Variants in PLCXD3 observed in about 807,000 individuals in gnomAD.
The protein encoded by PLCXD3 is PI-PLC X domain-containing protein 3.
Under a neutral mutation model 25.5 loss-of-function variants are expected in PLCXD3, and 19 were observed. The observed-to-expected ratio is 0.75, with a 90% CI of 0.52 to 1.09. The LOEUF (loss-of-function observed/expected upper bound fraction) is 1.09. PLCXD3 is among the 50% of genes least tolerant of loss of function. The pLI, the probability that PLCXD3 is intolerant of heterozygous loss-of-function variation, is 0.00. For missense variants in PLCXD3, 411 were observed against 388.1 expected, an observed-to-expected ratio of 1.06 and a Z score of -0.50; for synonymous variants, 174 against 137.6, an observed-to-expected ratio of 1.26 and a Z score of -1.85.
chr5:41,488,234 C>T (rs1451669790), intron 1 of PLCXD3, among the ~76,000 whole-genome samples: 3 of 148,352 alleles, frequency 2.0e-5, no homozygotes, highest in Non-Finnish European at 4.5e-5. Flanking sequence ...CAATTTCATC[C>T]ATGTCCCTAC....
rs1748752999 is a variant in PLCXD3, at chr5:41,493,403, G to A, written c.103+17021C>T. On this transcript the variant is annotated intron_variant, in intron 1 of 2. Coordinates refer to ENST00000377801, the MANE Select transcript of PLCXD3 (RefSeq NM_001005473.3). ...AGGGGTCAGGGACCCACTTGAGGAG[G>A]CAGTCTGCCCGTTCTCAGATCTCCA... is the stretch of plus-strand genomic sequence containing the variant. 2.0e-5 allele frequency among the ~76,000 whole-genome samples: 3 copies of A among 152,224 alleles called. No homozygotes were observed. In the South Asian group the frequency reaches 6.2e-4, roughly 31 times the overall value.
At chr5:41,506,748 T>C (rs561722101) in intron 1 of PLCXD3, among the ~76,000 whole-genome samples, 52 of 152,346 alleles carry the variant, frequency 3.4e-4, no homozygotes, top group African/African-American at 1.2e-3. Flanking sequence ...AGTGAACCTG[T>C]TGTTTTTCAT....
intron 1 of PLCXD3, among the ~76,000 whole-genome samples, chr5:41,443,181 C>T (rs902550965): frequency 1.3e-5 from 2 of 151,440 alleles, no homozygotes; most frequent in African/African-American, 4.8e-5. Flanking sequence ...ACAGACTGCA[C>T]ATACCACAAT....
intron 1 of PLCXD3, among the ~76,000 whole-genome samples, chr5:41,384,819 A>T (rs1745586065): frequency 6.6e-6 from 1 of 152,074 alleles, no homozygotes; most frequent in African/African-American, 2.4e-5. Context: ...AAATAAGGGA[A>T]TGTTAAAAAT....
At chr5:41,431,599 T>G (rs1251461580) in intron 1 of PLCXD3, among the ~76,000 whole-genome samples, 3 of 152,212 alleles carry the variant, frequency 2.0e-5, no homozygotes, top group Non-Finnish European at 4.4e-5. Context: ...TTTGCTTATG[T>G]ATATATATCA....
At chr5:41,333,718 A>G (rs747248268) in intron 2 of PLCXD3, among the ~76,000 whole-genome samples, 1 of 152,150 alleles carries the variant, frequency 6.6e-6, no homozygotes, top group Non-Finnish European at 1.5e-5. Context: ...GCAAGTCTTG[A>G]GCTTTTAGGT....
At chr5:41,369,625 T>TCCCCACCTGTAAAAAATTACA (rs1480038886) in intron 2 of PLCXD3, among the ~76,000 whole-genome samples, 1 of 151,998 alleles carries the variant, frequency 6.6e-6, no homozygotes, top group Non-Finnish European at 1.5e-5. Flanking sequence ...GGATTACAGG[T>TCCCCACCTGTAAAAAATTACA]GGCCACCACC....
chr5:41,390,718 C>A (rs755652399), intron 1 of PLCXD3, among the ~76,000 whole-genome samples: 4 of 151,784 alleles, frequency 2.6e-5, no homozygotes, highest in Non-Finnish European at 5.9e-5. Flanking sequence ...ACTATCTACA[C>A]AGAAAAAAAA....
chr5:41,332,566 C>A (rs1015367365), intron 2 of PLCXD3, among the ~76,000 whole-genome samples: 3 of 152,092 alleles, frequency 2.0e-5, no homozygotes, highest in African/African-American at 7.2e-5. Flanking sequence ...ACTAGAAATA[C>A]CATTTGACCC....
rs114516023 is a variant in PLCXD3, at chr5:41,463,351, C to T, written c.103+47073G>A. Among the ~76,000 whole-genome samples the T allele has an allele frequency of 1.9e-3, 290 of 152,028 alleles. 1 individual carries two copies. Among genetic ancestry groups the T allele is most frequent in the Middle Eastern group, 0.017 (5 of 294 alleles). On this transcript the variant is annotated intron_variant, in intron 1 of 2. Transcript: ENST00000377801. The stretch of plus-strand genomic sequence containing the variant: ...ACATGACCATCTTGTTGTATCCTTA[C>T]GTGGCTGAAAGTGGGCAAGGGAGCT...
At chr5:41,487,990 A>G (rs1748558685) in intron 1 of PLCXD3, among the ~76,000 whole-genome samples, 1 of 151,548 alleles carries the variant, frequency 6.6e-6, no homozygotes, top group African/African-American at 2.4e-5. Flanking sequence ...ATATGTATAC[A>G]TGTGGCATGC....
chr5:41,330,324 G>A (rs939535916), intron 2 of PLCXD3, among the ~76,000 whole-genome samples: 2 of 152,208 alleles, frequency 1.3e-5, no homozygotes, highest in Admixed American at 6.5e-5. Context: ...ACACCTCTAC[G>A]CAAATAAACT....
chr5:41,331,938 T>C (rs1743823534), intron 2 of PLCXD3, among the ~76,000 whole-genome samples: 2 of 152,132 alleles, frequency 1.3e-5, no homozygotes, highest in South Asian at 2.1e-4. Flanking sequence ...ATACAAAAAT[T>C]AATTCAAGAT....
At chr5:41,403,398 G>GTTTTTTTTTTTTGTTT (rs764950342) in intron 1 of PLCXD3, among the ~76,000 whole-genome samples, 1 of 33,998 alleles carries the variant, frequency 2.9e-5, no homozygotes, top group African/African-American at 1.1e-4. Context: ...TGACTTATTT[G>GTTTTTTTTTTTTGTTT]TTGTTTTTTT....
chr5:41,432,791 CAAAT>C (rs1057290189), intron 1 of PLCXD3, among the ~76,000 whole-genome samples: 9 of 152,192 alleles, frequency 5.9e-5, no homozygotes, highest in African/African-American at 1.9e-4. Flanking sequence ...TCTTTTGCCT[CAAAT>C]AAATAGCCAT....
intron 2 of PLCXD3, among the ~76,000 whole-genome samples, chr5:41,332,389 A>G (rs1743844981): frequency 2.0e-5 from 3 of 152,090 alleles, no homozygotes; most frequent in East Asian, 1.9e-4. Flanking sequence ...CAAAACCACA[A>G]TGAGATACCA....
chr5:41,351,176 A>G (rs545431858), intron 2 of PLCXD3, among the ~76,000 whole-genome samples: 47 of 152,160 alleles, frequency 3.1e-4, no homozygotes, highest in Non-Finnish European at 5.9e-4. Flanking sequence ...TTTCTTAGAT[A>G]TTTAAGAAAA....
At chr5:41,352,226 G>T (rs1161225350) in intron 2 of PLCXD3, among the ~76,000 whole-genome samples, 2 of 152,112 alleles carry the variant, frequency 1.3e-5, no homozygotes, top group East Asian at 3.9e-4. Flanking sequence ...TCCCCCATAT[G>T]AGTTTAGTTT....
At chr5:41,420,694 T>G (rs1746798245) in intron 1 of PLCXD3, among the ~76,000 whole-genome samples, 1 of 152,198 alleles carries the variant, frequency 6.6e-6, no homozygotes, top group African/African-American at 2.4e-5. Flanking sequence ...GCAGAGAGAA[T>G]TTATCTTTGC....
Sources: gnomAD v4.1 joint callset for allele counts (sites outside exome capture counted in the v4.1 genomes callset) on GRCh38, gnomAD v4.1.1 for gene constraint, MANE v1.5 for transcripts, NCBI Gene and HGNC (gene_info 2026-07-23, HGNC 2026-07-21) for gene names.